TRMT11: variants seen among roughly 807,000 people sequenced by gnomAD.
TRMT11 encodes tRNA methyltransferase 11, also known as tRNA (guanine(10)-N(2))-methyltransferase TRMT11.
In TRMT11, 53 loss-of-function variants were observed where a neutral mutation model predicts 62.8. The observed-to-expected ratio is 0.84, with a 90% CI of 0.68 to 1.06. TRMT11 has a LOEUF of 1.06. TRMT11 is among the 50% of genes least tolerant of loss of function. The probability of loss-of-function intolerance (pLI) is 0.00; values close to 1 mark genes in which losing one functional copy is unlikely to be tolerated. For synonymous variants in TRMT11, 188 were observed against 190.3 expected (o/e 0.99, Z 0.10); for missense variants, 556 against 553.4 (o/e 1.00, Z -0.05).
At chr6:126,228,030 C>T in the TRMT11 span, among the ~76,000 whole-genome samples, 1 of 152,208 alleles carries the variant, frequency 6.6e-6, no homozygotes, top group Middle Eastern at 3.2e-3. Context: ...TTAAAAGTCA[C>T]TTCTGGCCCC....
At chr6:126,055,253 C>G (rs558448563) in intron 17 of TRMT11, among the ~76,000 whole-genome samples, 14 of 152,340 alleles carry the variant, frequency 9.2e-5, no homozygotes, top group African/African-American at 2.6e-4. Context: ...GCATGAGCCA[C>G]TGTGCCTGGC....
intron 1 of TRMT11, among the ~76,000 whole-genome samples, chr6:126,178,453 C>G (rs1432807359): frequency 6.6e-6 from 1 of 152,180 alleles, no homozygotes; most frequent in Non-Finnish European, 1.5e-5. Flanking sequence ...TAATAAATAT[C>G]TTGCATGCTC....
intron 1 of TRMT11, among the ~76,000 whole-genome samples, chr6:126,185,577 C>T (rs1479655662): frequency 6.6e-6 from 1 of 152,102 alleles, no homozygotes; most frequent in African/African-American, 2.4e-5. Flanking sequence ...ATCTAATGTT[C>T]TTCTATTCTC....
intron 11 of TRMT11, among the ~76,000 whole-genome samples, chr6:126,018,890 T>G (rs1795376808): frequency 6.6e-6 from 1 of 150,460 alleles, no homozygotes; most frequent in Non-Finnish European, 1.5e-5. Flanking sequence ...CTTTATTTTA[T>G]TTTTTTTTTG....
intron 11 of TRMT11, among the ~76,000 whole-genome samples, chr6:126,015,105 A>G (rs1039335195): frequency 6.6e-6 from 1 of 151,986 alleles, no homozygotes; most frequent in Non-Finnish European, 1.5e-5. Context: ...AATACTGTGA[A>G]GTAATTTCAA....
intron 17 of TRMT11, among the ~76,000 whole-genome samples, chr6:126,099,212 A>G (rs1777370562): frequency 6.6e-6 from 1 of 152,214 alleles, no homozygotes; most frequent in African/African-American, 2.4e-5. Context: ...AATTCAGGGG[A>G]GAAAATTTTC....
chr6:126,271,637 G>A, the TRMT11 span, among the ~76,000 whole-genome samples: 1 of 152,052 alleles, frequency 6.6e-6, no homozygotes, highest in Non-Finnish European at 1.5e-5. Flanking sequence ...TATGTAGGTT[G>A]CTTACCAAAA....
intron 5 of TRMT11, 63 bp from the exon 6 acceptor site, chr6:125,998,487 G>C: frequency 6.6e-7 from 1 of 1,525,758 alleles, no homozygotes. Flanking sequence ...AATGTTATTA[G>C]ATAAGCGCCA....
the TRMT11 span, among the ~76,000 whole-genome samples, chr6:126,211,595 A>G: frequency 9.9e-5 from 15 of 151,688 alleles, no homozygotes; most frequent in African/African-American, 3.6e-4. Flanking sequence ...ACTTAAAATA[A>G]TCAATAGCTC....
chr6:126,062,836 T>C (rs1216328735), intron 17 of TRMT11, among the ~76,000 whole-genome samples: 2 of 152,196 alleles, frequency 1.3e-5, no homozygotes, highest in Admixed American at 6.5e-5. Flanking sequence ...TAAATAATAC[T>C]GCCTTATAAA....
At chr6:125,991,245 CAAA>C (rs748622094) in intron 1 of TRMT11, among the ~76,000 whole-genome samples, 2 of 131,378 alleles carry the variant, frequency 1.5e-5, no homozygotes, top group Admixed American at 7.7e-5. Context: ...GACTCCATCT[CAAA>C]AAAAAAAAAA....
At chr6:126,022,207 C>T (rs932891977) in intron 12 of TRMT11, among the ~76,000 whole-genome samples, 2 of 151,700 alleles carry the variant, frequency 1.3e-5, no homozygotes, top group African/African-American at 4.8e-5. Context: ...CTATGCCTGG[C>T]TGATTTTTTT....
chr6:126,009,569 GC>G (rs1793876600), intron 8 of TRMT11: 1 of 151,846 alleles, frequency 6.6e-6, no homozygotes, highest in Non-Finnish European at 1.5e-5. Context: ...GTATTGGTGA[GC>G]ATTTATTATA....
At chr6:126,197,856 G>A (rs1340650057) in intron 1 of TRMT11, among the ~76,000 whole-genome samples, 1 of 152,104 alleles carries the variant, frequency 6.6e-6, no homozygotes, top group Non-Finnish European at 1.5e-5. Context: ...GCTCTCCCAA[G>A]GTGAAAGCTG....
chr6:126,236,251 A>AATGTTAATGG, the TRMT11 span, among the ~76,000 whole-genome samples: 10 of 152,292 alleles, frequency 6.6e-5, no homozygotes, highest in African/African-American at 2.4e-4. Flanking sequence ...GCTTGGTTTT[A>AATGTTAATGG]ATGTTAATGG....
At chr6:126,129,890 T>C (rs989234321) in intron 21 of TRMT11, among the ~76,000 whole-genome samples, 2 of 152,104 alleles carry the variant, frequency 1.3e-5, no homozygotes, top group Non-Finnish European at 2.9e-5. Context: ...AACTAATCTT[T>C]GGCTTCTGGC....
intron 21 of TRMT11, among the ~76,000 whole-genome samples, chr6:126,143,303 C>CAT (rs1777940132): frequency 6.6e-6 from 1 of 151,942 alleles, no homozygotes. Context: ...TCCTAGAAGC[C>CAT]ATATATACAT....
chr6:126,191,217 T>C lies in TRMT11; in HGVS notation n.144-7582T>C, dbSNP rs144141500. Reference sequence around the variant, plus strand: ...TCATGTTGAGCACTTTTTCATATACTTGTTGGCCATTTATATGTCTTCTTT... The same window carrying C: ...TCATGTTGAGCACTTTTTCATATACCTGTTGGCCATTTATATGTCTTCTTT... On this transcript the variant is annotated intron_variant and non_coding_transcript_variant, in intron 1 of 3. Transcript: ENST00000444229. 3.9e-3 allele frequency among the ~76,000 whole-genome samples: 592 copies of C among 152,190 alleles called. 6 individuals are homozygous for C. Among genetic ancestry groups the C allele is most frequent in the South Asian group, 4.3e-3 (21 of 4,832 alleles).
At chr6:126,163,030 C>A (rs1444576853) in intron 21 of TRMT11, among the ~76,000 whole-genome samples, 1 of 152,190 alleles carries the variant, frequency 6.6e-6, no homozygotes, top group Non-Finnish European at 1.5e-5. Context: ...TTCCTCTCTT[C>A]CTATTTGAAT....
Sources: gnomAD v4.1 joint callset for allele counts (sites outside exome capture counted in the v4.1 genomes callset) on GRCh38, gnomAD v4.1.1 for gene constraint, MANE v1.5 for transcripts, NCBI Gene and HGNC (gene_info 2026-07-23, HGNC 2026-07-21) for gene names.